HHAT: variants seen among roughly 807,000 people sequenced by gnomAD.
HHAT encodes protein-cysteine N-palmitoyltransferase HHAT.
In HHAT, 47 loss-of-function variants were observed where a neutral mutation model predicts 70.8. The ratio of observed to expected loss-of-function variants is 0.66; its 90% CI spans 0.53 to 0.85. The LOEUF is 0.85. HHAT is among the 40% of genes least tolerant of loss of function. HHAT has a pLI of 0.00. For missense variants in HHAT, 609 were observed against 604.8 expected, an observed-to-expected ratio of 1.01 and a Z score of -0.07; for synonymous variants, 228 against 247.6, an observed-to-expected ratio of 0.92 and a Z score of 0.74.
intron 4 of HHAT, among the ~76,000 whole-genome samples, chr1:210,398,106 C>T (rs2091892321): frequency 6.6e-6 from 1 of 152,246 alleles, no homozygotes; most frequent in African/African-American, 2.4e-5. Context: ...TCAAGCGATT[C>T]TCCTCTTGCA....
At chr1:210,519,308 A>G (rs2095112432) in intron 9 of HHAT, among the ~76,000 whole-genome samples, 1 of 152,210 alleles carries the variant, frequency 6.6e-6, no homozygotes, top group Non-Finnish European at 1.5e-5. Flanking sequence ...TGCTGCAGTA[A>G]ACATGGGAGT....
intron 9 of HHAT, among the ~76,000 whole-genome samples, chr1:210,568,699 C>G (rs1231241713): frequency 6.6e-6 from 1 of 152,182 alleles, no homozygotes; most frequent in African/African-American, 2.4e-5. Flanking sequence ...TGAACAGGAT[C>G]AAGTAAAGTT....
At chr1:210,329,333 C>T in intron 1 of HHAT, 3 of 1,209,558 alleles carry the variant, frequency 2.5e-6, no homozygotes, top group Non-Finnish European at 3.1e-6. Context: ...ATCTAGGCGC[C>T]GGGACAAGTC....
chr1:210,432,269 C>T (rs1434748274), intron 7 of HHAT, among the ~76,000 whole-genome samples: 11 of 151,682 alleles, frequency 7.3e-5, no homozygotes, highest in African/African-American at 2.7e-4. Flanking sequence ...TAAAGGAGGG[C>T]CAAGTATAGA....
Position 210,372,783 on chromosome 1 carries a change from T to TC in HHAT, c.159+9864_159+9865insC, listed in dbSNP as rs1297319302. 2.8e-3 allele frequency among the ~76,000 whole-genome samples: 426 copies of TC among 150,626 alleles called. 4 individuals are homozygous for TC. Among genetic ancestry groups the TC allele is most frequent in the Non-Finnish European group, 3.3e-3 (221 of 67,558 alleles). ...GGGTGCTGGGCTCAAGGGAGGTGTT[T>TC]TTTTTTTTTTTTGTGATCCTTCTGG... On this transcript the variant is annotated intron_variant, in intron 3 of 11. Transcript: ENST00000261458.
chr1:210,526,864 A>G (rs1305178150), intron 9 of HHAT, among the ~76,000 whole-genome samples: 2 of 152,218 alleles, frequency 1.3e-5, no homozygotes, highest in African/African-American at 4.8e-5. Context: ...GATGTGATAT[A>G]ATATGAAATA....
chr1:210,543,565 A>G (rs2490223), intron 9 of HHAT, among the ~76,000 whole-genome samples: 133,781 of 152,018 alleles, frequency 0.88, 60,372 homozygotes, highest in Non-Finnish European at 0.98. Flanking sequence ...CTGCACTCCA[A>G]TCTGGGCCAT....
At chr1:210,352,956 G>GA (rs1175396678) in intron 2 of HHAT, among the ~76,000 whole-genome samples, 34 of 149,510 alleles carry the variant, frequency 2.3e-4, no homozygotes, top group Admixed American at 7.3e-4. Flanking sequence ...TTTAATAAGA[G>GA]ATGGAGTCTT....
chr1:210,468,077 T>G (rs529286066), intron 8 of HHAT, among the ~76,000 whole-genome samples: 4 of 152,220 alleles, frequency 2.6e-5, no homozygotes, highest in Non-Finnish European at 5.9e-5. Context: ...CTTTTTCATA[T>G]AATTTCTGCT....
intron 3 of HHAT, among the ~76,000 whole-genome samples, chr1:210,376,754 G>T (rs2090256273): frequency 2.0e-5 from 3 of 152,218 alleles, no homozygotes. Context: ...CAGATGTAAA[G>T]ATGTATGGGA....
At chr1:210,578,515 A>G (rs1658435457) in intron 9 of HHAT, among the ~76,000 whole-genome samples, 1 of 152,242 alleles carries the variant, frequency 6.6e-6, no homozygotes, top group African/African-American at 2.4e-5. Flanking sequence ...AGAGGTATCT[A>G]TATTTCCATA....
At chr1:210,379,570 T>C (rs528511718) in intron 3 of HHAT, among the ~76,000 whole-genome samples, 38 of 152,240 alleles carry the variant, frequency 2.5e-4, no homozygotes, top group Non-Finnish European at 4.0e-4. Flanking sequence ...AGAACTTTCT[T>C]CTTTCCTTCT....
chr1:210,485,208 G>A (rs1280959062), intron 8 of HHAT, among the ~76,000 whole-genome samples: 1 of 152,096 alleles, frequency 6.6e-6, no homozygotes, highest in Non-Finnish European at 1.5e-5. Flanking sequence ...GACCTAGATG[G>A]GAGTGAGAAT....
At chr1:210,491,990 T>C (rs2094559211) in intron 8 of HHAT, among the ~76,000 whole-genome samples, 1 of 152,204 alleles carries the variant, frequency 6.6e-6, no homozygotes, top group South Asian at 2.1e-4. Context: ...CTTGAACTCC[T>C]GACCTCAGGC....
intron 9 of HHAT, among the ~76,000 whole-genome samples, chr1:210,533,422 G>A (rs2095335896): frequency 6.6e-6 from 1 of 150,534 alleles, no homozygotes; most frequent in South Asian, 2.2e-4. Context: ...CAGCATCTTT[G>A]GGGACTGTCA....
chr1:210,673,385 C>T (rs1006158205), intron 11 of HHAT, among the ~76,000 whole-genome samples: 5 of 151,884 alleles, frequency 3.3e-5, no homozygotes, highest in South Asian at 2.1e-4. Context: ...GTGATGATGA[C>T]GGTGATTTTT....
chr1:210,386,230 CTTTTTTT>C lies in HHAT; in HGVS notation c.160-1218_160-1212del, dbSNP rs869305965. Among the ~76,000 whole-genome samples the C allele has an allele frequency of 3.9e-3, 270 of 69,930 alleles. 15 individuals carry two copies. The highest frequency in any genetic ancestry group is 4.3e-3 in the Non-Finnish European group (168 of 38,708). 45.9% of individuals were successfully genotyped at this position (69,930 alleles called of 152,430 possible). ...ATTGCAGGAGTCCTTTTCTTTTTTT[CTTTTTTT>C]TTTTTTTTTTTTTTTTTTTGAGACA... On this transcript the variant is annotated intron_variant, in intron 3 of 11. Transcript: ENST00000261458.
At chr1:210,673,769 ATTTAT>A (rs1558407362) in intron 11 of HHAT, among the ~76,000 whole-genome samples, 4 of 20,606 alleles carry the variant, frequency 1.9e-4, no homozygotes, top group African/African-American at 1.8e-3. Context: ...TTTATTATTT[ATTTAT>A]TTATTTATTT....
At chr1:210,412,507 C>T (rs1001779761) in intron 6 of HHAT, among the ~76,000 whole-genome samples, 1 of 152,106 alleles carries the variant, frequency 6.6e-6, no homozygotes, top group African/African-American at 2.4e-5. Flanking sequence ...AATGGTGAGA[C>T]GGGCATAGGA....
Sources: gnomAD v4.1 joint callset for allele counts (sites outside exome capture counted in the v4.1 genomes callset) on GRCh38, gnomAD v4.1.1 for gene constraint, MANE v1.5 for transcripts, NCBI Gene and HGNC (gene_info 2026-07-23, HGNC 2026-07-21) for gene names.